N4BP1: variants seen among roughly 807,000 people sequenced by gnomAD.
N4BP1 encodes the protein NEDD4 binding protein 1.
A neutral mutation model predicts 70.9 loss-of-function variants in N4BP1; 21 were observed. The observed-to-expected ratio is 0.30, with a 90% CI of 0.21 to 0.43. The LOEUF (loss-of-function observed/expected upper bound fraction) is 0.43, where lower values mean the gene tolerates loss of function less well. N4BP1 is among the 20% of genes least tolerant of loss of function. N4BP1 has a pLI of 1.00. For missense variants in N4BP1, 936 were observed against 1,069.4 expected, an observed-to-expected ratio of 0.88 and a Z score of 1.74; for synonymous variants, 387 against 394.6, an observed-to-expected ratio of 0.98 and a Z score of 0.23.
Position 48,553,682 on chromosome 16 carries a change from A to G in N4BP1, c.1890-13T>C. The G allele has an allele frequency of 6.5e-7, 1 of 1,542,160 alleles. No homozygotes were observed. The highest frequency in any genetic ancestry group is 8.7e-7 in the Non-Finnish European group (1 of 1,144,536). ...TTTCAGACCATGGCTAGAAATTACA[A>G]AGTAAAGAAAATAAGTAAAGTTTAT... On this transcript the variant is annotated splice_polypyrimidine_tract_variant and intron_variant, in intron 2 of 6. Transcript: ENST00000262384.
Position 48,562,085 on chromosome 16 carries a change from A to G in N4BP1, c.558T>C (p.Leu186=), listed in dbSNP as rs201161374. 5.1e-5 allele frequency: 82 copies of G among 1,613,780 alleles called. No homozygotes were observed. In the African/African-American group the frequency reaches 9.3e-4, roughly 18 times the overall value. The change falls in exon 2 of 7, where the codon CTT becomes CTC. Residue 186 remains leucine, a synonymous_variant. Transcript: ENST00000262384. ...TCTCCTCACCTTGTGTGAGTGTCAAAAGTTCTTTTTTCAAGGAAGTGGGCA... is the reference window on the plus strand; with the variant it reads ...TCTCCTCACCTTGTGTGAGTGTCAAGAGTTCTTTTTTCAAGGAAGTGGGCA... ...LILPTSLKKE[L]LTLTQGEENL...
intron 1 of N4BP1, among the ~76,000 whole-genome samples, chr16:48,573,632 T>C (rs1172737226): frequency 6.6e-6 from 1 of 151,824 alleles, no homozygotes; most frequent in African/African-American, 2.4e-5. Flanking sequence ...CCCAGCAATA[T>C]AGTTGACCCC....
chr16:48,601,593 T>C (rs771084896), intron 1 of N4BP1, among the ~76,000 whole-genome samples: 1 of 152,184 alleles, frequency 6.6e-6, no homozygotes, highest in Non-Finnish European at 1.5e-5. Context: ...CTTTCAGACG[T>C]GGATTTATTC....
intron 1 of N4BP1, among the ~76,000 whole-genome samples, chr16:48,595,456 C>CAAAAAAAA (rs373163833): frequency 2.6e-3 from 147 of 57,064 alleles, no homozygotes; most frequent in African/African-American, 3.8e-3. Flanking sequence ...GACTCTGTCT[C>CAAAAAAAA]AAAAAAAAAA....
chr16:48,576,468 C>T (rs1340280688), intron 1 of N4BP1, among the ~76,000 whole-genome samples: 1 of 152,190 alleles, frequency 6.6e-6, no homozygotes, highest in Admixed American at 6.5e-5. Flanking sequence ...ACTGTGTCTA[C>T]TCTAGACGCT....
At chr16:48,558,338 T>C (rs1217402303) in intron 2 of N4BP1, among the ~76,000 whole-genome samples, 1 of 151,560 alleles carries the variant, frequency 6.6e-6, no homozygotes, top group Non-Finnish European at 1.5e-5. Flanking sequence ...AGCTTGCAGC[T>C]TTCCCTTAGT....
chr16:48,593,776 G>A (rs962651880), intron 1 of N4BP1, among the ~76,000 whole-genome samples: 2 of 152,184 alleles, frequency 1.3e-5, no homozygotes, highest in East Asian at 1.9e-4. Flanking sequence ...TTGGGAAGCC[G>A]AGGCAGGCGG....
chr16:48,599,191 C>T (rs979362875), intron 1 of N4BP1, among the ~76,000 whole-genome samples: 1 of 152,184 alleles, frequency 6.6e-6, no homozygotes. Context: ...TCGATTCCCA[C>T]TGCCCCCGCC....
intron 2 of N4BP1, among the ~76,000 whole-genome samples, chr16:48,556,872 G>A (rs1318262332): frequency 6.6e-6 from 1 of 152,148 alleles, no homozygotes; most frequent in East Asian, 1.9e-4. Flanking sequence ...GCAAGGGAAG[G>A]GGCAAACCCC....
chr16:48,572,439 G>A (rs567329991), intron 1 of N4BP1, among the ~76,000 whole-genome samples: 1 of 152,244 alleles, frequency 6.6e-6, no homozygotes, highest in East Asian at 1.9e-4. Context: ...AGGGGGGACA[G>A]GCAGGCAGTA....
At chr16:48,592,349 G>C (rs1964351520) in intron 1 of N4BP1, among the ~76,000 whole-genome samples, 1 of 152,170 alleles carries the variant, frequency 6.6e-6, no homozygotes, top group Non-Finnish European at 1.5e-5. Flanking sequence ...AATCCAGGAT[G>C]CAATATAAAA....
intron 2 of N4BP1, among the ~76,000 whole-genome samples, chr16:48,559,501 G>A (rs991951465): frequency 4.6e-5 from 7 of 152,052 alleles, no homozygotes; most frequent in Admixed American, 1.3e-4. Context: ...TGGCCTAAAG[G>A]TGCCTCCATA....
At chr16:48,593,407 T>C (rs529001849) in intron 1 of N4BP1, among the ~76,000 whole-genome samples, 1 of 152,362 alleles carries the variant, frequency 6.6e-6, no homozygotes, top group African/African-American at 2.4e-5. Flanking sequence ...CATGGGAATA[T>C]GAATTTCTCA....
chr16:48,554,770 A>C (rs1963726687), intron 2 of N4BP1, among the ~76,000 whole-genome samples: 1 of 152,228 alleles, frequency 6.6e-6, no homozygotes, highest in Non-Finnish European at 1.5e-5. Flanking sequence ...CATGATGGGC[A>C]TATGTGTCCC....
At chr16:48,585,722 G>T (rs1964236702) in intron 1 of N4BP1, among the ~76,000 whole-genome samples, 1 of 150,896 alleles carries the variant, frequency 6.6e-6, no homozygotes, top group African/African-American at 2.4e-5. Flanking sequence ...TTGAGACAAA[G>T]TCTCACCCTG....
chr16:48,568,922 A>G (rs1353522016), intron 1 of N4BP1, among the ~76,000 whole-genome samples: 1 of 152,126 alleles, frequency 6.6e-6, no homozygotes, highest in African/African-American at 2.4e-5. Context: ...CATCATGTTT[A>G]TATCTTTTGC....
At chr16:48,591,885 C>T (rs1007608881) in intron 1 of N4BP1, among the ~76,000 whole-genome samples, 45 of 94,908 alleles carry the variant, frequency 4.7e-4, no homozygotes, top group African/African-American at 1.2e-3. Context: ...TGTTACCTGA[C>T]GTTTTTTTTT....
chr16:48,560,718 A>T, intron 2 of N4BP1, 36 bp downstream of exon 2: 5 of 1,556,380 alleles, frequency 3.2e-6, no homozygotes, highest in Non-Finnish European at 3.5e-6. Context: ...TTAGAGCCCT[A>T]TTTAAAATAA....
intron 1 of N4BP1, among the ~76,000 whole-genome samples, chr16:48,582,768 TC>T (rs1199493703): frequency 6.6e-6 from 1 of 151,986 alleles, no homozygotes; most frequent in African/African-American, 2.4e-5. Flanking sequence ...TTGGAACGTA[TC>T]CCCAGCAGAT....
Sources: gnomAD v4.1 joint callset for allele counts (sites outside exome capture counted in the v4.1 genomes callset) on GRCh38, gnomAD v4.1.1 for gene constraint, MANE v1.5 for transcripts, NCBI Gene and HGNC (gene_info 2026-07-23, HGNC 2026-07-21) for gene names.